VPS35: variants seen among roughly 807,000 people sequenced by gnomAD.
VPS35 encodes the protein vacuolar protein sorting-associated protein 35.
In VPS35, 21 loss-of-function variants were observed where a neutral mutation model predicts 98.1. That is an observed-to-expected ratio of 0.21 (90% CI 0.15 to 0.31). The LOEUF is 0.31. Ranked by LOEUF, VPS35 falls within the 10% of genes least tolerant of loss-of-function variation. The probability of loss-of-function intolerance (pLI) is 1.00; values close to 1 mark genes in which losing one functional copy is unlikely to be tolerated. For missense variants in VPS35, 554 were observed against 950.8 expected (o/e 0.58, Z 5.49); for synonymous variants, 268 against 318.2 (o/e 0.84, Z 1.68).
chr16:46,671,772 T>C lies in VPS35; in HGVS notation c.1457A>G (p.Asp486Gly). 1 of 1,614,122 alleles carries C rather than the reference T, an allele frequency of 6.2e-7. No homozygotes were observed. Among genetic ancestry groups the C allele is most frequent in the Non-Finnish European group, 8.5e-7 (1 of 1,180,014 alleles). The change falls in exon 12 of 17, where the codon GAT becomes GGT. Residue 486 changes from aspartate to glycine, a missense_variant. Asp to Gly is a moderately conservative substitution (Grantham distance 94). Coordinates refer to ENST00000299138, the MANE Select transcript of VPS35 (RefSeq NM_018206.6). ...GAAGCGGCCCACAAGGCTCTGCTCA[T>C]CAGCAAAATCTTCTGGATCAGGGTC... ...VEDPDPEDFA[D>G]EQSLVGRFIH...
At chr16:46,676,533 T>C in intron 8 of VPS35, 50 bp downstream of exon 8, 1 of 1,151,886 alleles carries the variant, frequency 8.7e-7, no homozygotes, top group Non-Finnish European at 1.3e-6. Context: ...TGTTTAAAAT[T>C]CATTATTCCC....
chr16:46,683,467 C>T (rs1168899326), intron 2 of VPS35, 41 bp downstream of exon 2: 1 of 1,578,982 alleles, frequency 6.3e-7, no homozygotes, highest in Admixed American at 1.7e-5. Context: ...TCCTTAGGAA[C>T]ACACGAACTG....
chr16:46,682,417 A>G (rs370581772), intron 2 of VPS35: 103 of 458,534 alleles, frequency 2.2e-4, no homozygotes, highest in South Asian at 2.2e-3. Flanking sequence ...GCTTCTTGAT[A>G]GAATGCTAAT....
At chr16:46,686,148 T>C (rs993599487) in intron 1 of VPS35, among the ~76,000 whole-genome samples, 7 of 152,206 alleles carry the variant, frequency 4.6e-5, no homozygotes, top group African/African-American at 1.7e-4. Context: ...TTTACTTTTA[T>C]GTCTCGCTTA....
rs1207668199 is a variant in VPS35, at chr16:46,661,754, G to A, written c.2175C>T (p.Asn725=). The A allele has an allele frequency of 3.7e-6, 6 of 1,612,058 alleles. No homozygotes were observed. Among genetic ancestry groups the A allele is most frequent in the Non-Finnish European group, 5.1e-6 (6 of 1,178,306 alleles). ...CCTTTTCATAAAAATAGATATATCT[G>A]TTCAGAATTTCTATAAAAAGCTGCA... The part of the protein sequence containing the change: ...LQVQLFIEIL[N]RYIYFYEKEN... Residue 725 remains asparagine, a synonymous_variant, in exon 16 of 17, where the codon AAC becomes AAT. Transcript: ENST00000299138. This position sits in a 1 kb window ranked among gnomAD's most constrained non-coding sequence, Gnocchi z 4.3.
At position 46,657,307 on chromosome 16, in the gene VPS35, A is replaced by G. The variant is rs1233246517; in HGVS notation, c.*3165T>C. The stretch of plus-strand genomic sequence containing the variant: ...TCTCTACCTTTCATTTACAATATGC[A>G]GTCTGGAATTCCCATTGTCAAAGAC... On this transcript the variant is annotated 3_prime_UTR_variant, in exon 17 of 17. Coordinates refer to ENST00000299138, the MANE Select transcript of VPS35 (RefSeq NM_018206.6). The G allele has an allele frequency of 6.6e-6, 1 of 152,220 alleles. No individual in the cohort carries two copies. Among genetic ancestry groups the G allele is most frequent in the Non-Finnish European group, 1.5e-5 (1 of 68,046 alleles). The allele number at this position is 152,220 out of a possible 1,614,324, so 9.4% of individuals were successfully genotyped here. A position where few individuals can be genotyped will look rare whatever the true frequency, so the allele number is the denominator to read the frequency against.
Position 46,661,995 on chromosome 16 carries a change from T to G in VPS35, c.2068-134A>C. Reference sequence around the variant, plus strand: ...AAATTTAAATCCTTTTCATTCTCCTTCTTCTTGTTTTGAAGTATACAGCTG... The same window carrying G: ...AAATTTAAATCCTTTTCATTCTCCTGCTTCTTGTTTTGAAGTATACAGCTG... On this transcript the variant is annotated intron_variant, in intron 15 of 16. Transcript: ENST00000299138. The surrounding 1 kb of genome is among the most constrained non-coding windows in gnomAD (Gnocchi z 4.3). The G allele has an allele frequency of 4.3e-6, 6 of 1,387,580 alleles. No individual in the cohort carries two copies. Among genetic ancestry groups the G allele is most frequent in the Non-Finnish European group, 5.0e-6 (5 of 1,007,382 alleles). 86.0% of individuals were successfully genotyped at this position (1,387,580 alleles called of 1,614,324 possible).
At chr16:46,680,958 T>C (rs1190033972) in intron 4 of VPS35, 105 bp from the exon 5 acceptor site, 17 of 1,250,706 alleles carry the variant, frequency 1.4e-5, no homozygotes, top group Non-Finnish European at 1.7e-5. Flanking sequence ...ACAGGAACCA[T>C]GTTGTTTTCT....
At chr16:46,681,210 C>A (rs760270093) in intron 4 of VPS35, among the ~76,000 whole-genome samples, 167 bp downstream of exon 4, 1 of 151,656 alleles carries the variant, frequency 6.6e-6, no homozygotes, top group Non-Finnish European at 1.5e-5. Flanking sequence ...CTACATAAAA[C>A]GTAAATCTAG....
intron 13 of VPS35, among the ~76,000 whole-genome samples, chr16:46,668,308 T>C (rs918337288): frequency 1.3e-5 from 2 of 152,090 alleles, no homozygotes; most frequent in Admixed American, 1.3e-4. Flanking sequence ...CACACAAGAA[T>C]CGCTTGAACC....
intron 6 of VPS35, among the ~76,000 whole-genome samples, chr16:46,677,957 A>T (rs1253563692): frequency 6.6e-6 from 1 of 152,166 alleles, no homozygotes; most frequent in African/African-American, 2.4e-5. Context: ...GGTATGAGGG[A>T]TGGGTCAAGG....
Position 46,657,318 on chromosome 16 carries a change from C to G in VPS35, c.*3154G>C, listed in dbSNP as rs1015082598. The stretch of plus-strand genomic sequence containing the variant: ...CATTTACAATATGCAGTCTGGAATT[C>G]CCATTGTCAAAGACAATTCTGTTGG... On this transcript the variant is annotated 3_prime_UTR_variant, in exon 17 of 17. Transcript: ENST00000299138. 1.3e-5 allele frequency: 2 copies of G among 152,184 alleles called. No individual in the cohort carries two copies. The highest frequency in any genetic ancestry group is 4.8e-5 in the African/African-American group (2 of 41,448). The allele number at this position is 152,184 out of a possible 1,614,324, so 9.4% of individuals were successfully genotyped here. A position where few individuals can be genotyped will look rare whatever the true frequency, so the allele number is the denominator to read the frequency against.
At chr16:46,663,627 C>G (rs1965945170) in intron 13 of VPS35, among the ~76,000 whole-genome samples, 1 of 151,948 alleles carries the variant, frequency 6.6e-6, no homozygotes. Context: ...TAACTCCTGA[C>G]CTCAAGTGAT....
intron 1 of VPS35, 37 bp from the exon 2 acceptor site, chr16:46,683,643 A>T (rs768294499): frequency 1.9e-5 from 29 of 1,515,624 alleles, no homozygotes; most frequent in Non-Finnish European, 2.4e-5. Flanking sequence ...TCTCAAGCAC[A>T]TTCTTCTAGC....
In VPS35 at chr16:46,678,970, T is replaced by C; in HGVS notation, c.693A>G (p.Glu231=). The C allele has an allele frequency of 6.2e-7, 1 of 1,614,168 alleles. No individual in the cohort carries two copies. The highest frequency in any genetic ancestry group is 8.5e-7 in the Non-Finnish European group (1 of 1,180,024). Residue 231 remains glutamate, a synonymous_variant, in exon 6 of 17, where the codon GAA becomes GAG. Transcript: ENST00000299138. ...GTNLVRLSQL[E]GVNVERYKQI... ...GTTTGTAACGTTCCACATTTACACC[T>C]TCCAACTGACTGAGGCGCACCAAAT...
At chr16:46,680,585 C>T in intron 5 of VPS35, 86 bp downstream of exon 5, 1 of 1,422,918 alleles carries the variant, frequency 7.0e-7, no homozygotes, top group Non-Finnish European at 9.7e-7. Context: ...ATTATTCACA[C>T]TTTGTTTCTG....
At chr16:46,670,313 C>T (rs1966049904) in intron 12 of VPS35, among the ~76,000 whole-genome samples, 2 of 152,096 alleles carry the variant, frequency 1.3e-5, no homozygotes, top group Admixed American at 6.6e-5. Flanking sequence ...GACGGAGTTT[C>T]ACTCTTGTTG....
In VPS35 at chr16:46,657,710, C is replaced by T. The variant is rs1965854257; in HGVS notation, c.*2762G>A. 1 of 152,156 alleles carries T rather than the reference C, an allele frequency of 6.6e-6. No homozygotes were observed. The highest frequency in any genetic ancestry group is 2.4e-5 in the African/African-American group (1 of 41,418). 9.4% of individuals were successfully genotyped at this position (152,156 alleles called of 1,614,324 possible). A position where few individuals can be genotyped will look rare whatever the true frequency, so the allele number is the denominator to read the frequency against. ...AGGCAAAGAAGGGATCATCTGGACT[C>T]TAAGAATCACTGGTTTCCTGGGTAG... On this transcript the variant is annotated 3_prime_UTR_variant, in exon 17 of 17. Coordinates refer to ENST00000299138, the MANE Select transcript of VPS35 (RefSeq NM_018206.6).
intron 1 of VPS35, among the ~76,000 whole-genome samples, chr16:46,686,563 A>G (rs890659349): frequency 1.3e-5 from 2 of 152,260 alleles, no homozygotes; most frequent in African/African-American, 4.8e-5. Flanking sequence ...GAAGACATAA[A>G]GCTATAGTAA....
Sources: gnomAD v4.1 joint callset for allele counts (sites outside exome capture counted in the v4.1 genomes callset) on GRCh38, gnomAD v4.1.1 for gene constraint, Gnocchi (gnomAD v3.1) non-coding constraint, MANE v1.5 for transcripts, NCBI Gene and HGNC (gene_info 2026-07-23, HGNC 2026-07-21) for gene names.